RPA1: variants seen among roughly 807,000 people sequenced by gnomAD.
RPA1 encodes replication protein A1.
Under a neutral mutation model 83.0 loss-of-function variants are expected in RPA1, and 49 were observed. The observed-to-expected ratio is 0.59, with a 90% confidence interval of 0.47 to 0.75. RPA1 has a LOEUF of 0.75. Ranked by LOEUF, RPA1 falls within the 30% of genes least tolerant of loss-of-function variation. The pLI is 0.00. For synonymous variants in RPA1, 279 were observed against 281.8 expected (o/e 0.99, Z 0.10); for missense variants, 693 against 776.1 (o/e 0.89, Z 1.27).
Position 1,879,716 on chromosome 17 carries a change from G to A in RPA1, c.1092+17G>A. ...GGGGAAGATGTAAGTGCTGGGATGG[G>A]GTCTTCAACACGCACAGGACCTCCT... On this transcript the variant is annotated intron_variant, in intron 11 of 16. Coordinates refer to ENST00000254719, the MANE Select transcript of RPA1 (RefSeq NM_002945.5). The A allele has an allele frequency of 5.6e-6, 9 of 1,614,022 alleles. No homozygotes were observed. Among genetic ancestry groups the A allele is most frequent in the Non-Finnish European group, 7.6e-6 (9 of 1,179,966 alleles).
At chr17:1,853,676 C>CT (rs1359522613) in intron 5 of RPA1, among the ~76,000 whole-genome samples, 1 of 152,004 alleles carries the variant, frequency 6.6e-6, no homozygotes, top group East Asian at 1.9e-4. Flanking sequence ...GAGTGAGACT[C>CT]TGTCTCAAAA....
intron 6 of RPA1, among the ~76,000 whole-genome samples, chr17:1,874,306 A>G (rs1020339082): frequency 5.9e-5 from 9 of 152,186 alleles, no homozygotes; most frequent in African/African-American, 2.2e-4. Flanking sequence ...GCAGTTTGAC[A>G]CCAGCCAAAC....
rs958986461 is a variant in RPA1, at chr17:1,897,223, A to G, written c.*48A>G. ...GAAGTTTGCAAATAGGCAGAATGGAATCGATTTCCTCCCACCTCCGTGTGA... is the reference window on the plus strand; with the variant it reads ...GAAGTTTGCAAATAGGCAGAATGGAGTCGATTTCCTCCCACCTCCGTGTGA... On this transcript the variant is annotated 3_prime_UTR_variant, in exon 17 of 17. Transcript: ENST00000254719. 1.5e-6 allele frequency: 2 copies of G among 1,377,566 alleles called. No homozygotes were observed. Among genetic ancestry groups the G allele is most frequent in the Non-Finnish European group, 2.0e-6 (2 of 1,000,422 alleles). 85.3% of individuals were successfully genotyped at this position (1,377,566 alleles called of 1,614,324 possible). A position where few individuals can be genotyped will look rare whatever the true frequency, so the allele number is the denominator to read the frequency against.
At chr17:1,830,211 G>C in intron 1 of RPA1, 85 bp downstream of exon 1, 1 of 1,082,186 alleles carries the variant, frequency 9.2e-7, no homozygotes, top group Non-Finnish European at 1.2e-6. Flanking sequence ...AGGGGAGCCC[G>C]GGGCGACGGG....
chr17:1,872,815 G>A lies in RPA1; in HGVS notation c.454+289G>A, dbSNP rs375455163. ...GCAGCCTTAACCTCCCAAGTAGCTG[G>A]TACTATGGGCGCATGCCACCATGCC... On this transcript the variant is annotated intron_variant, in intron 6 of 16. Coordinates refer to ENST00000254719, the MANE Select transcript of RPA1 (RefSeq NM_002945.5). Among the ~76,000 whole-genome samples, 20 of 150,462 alleles carry A rather than the reference G, an allele frequency of 1.3e-4. No individual in the cohort carries two copies. The East Asian group carries it at 2.4e-3, about 18-fold the overall frequency.
At chr17:1,894,866 A>C (rs889784845) in intron 15 of RPA1, 143 bp from the exon 16 acceptor site, 1 of 602,776 alleles carries the variant, frequency 1.7e-6, no homozygotes, top group Admixed American at 2.8e-5. Context: ...AGTTTCATGT[A>C]ATGTTACCTG....
chr17:1,870,655 C>G (rs1913344199), intron 5 of RPA1, among the ~76,000 whole-genome samples: 1 of 152,222 alleles, frequency 6.6e-6, no homozygotes, highest in African/African-American at 2.4e-5. Context: ...CTGGTGACCC[C>G]TCTTCTACTT....
At chr17:1,876,138 C>A (rs1009917297) in intron 7 of RPA1, among the ~76,000 whole-genome samples, 3 of 152,186 alleles carry the variant, frequency 2.0e-5, no homozygotes, top group African/African-American at 7.2e-5. Context: ...GGCATTTAAT[C>A]TTCTCCTATA....
chr17:1,863,399 G>C (rs556858452), intron 5 of RPA1, among the ~76,000 whole-genome samples: 54 of 151,848 alleles, frequency 3.6e-4, no homozygotes, highest in Non-Finnish European at 7.4e-4. Flanking sequence ...TTTTAGTAGA[G>C]ACGGCGTTTC....
intron 8 of RPA1, 98 bp downstream of exon 8, chr17:1,877,412 G>A (rs776881865): frequency 1.5e-5 from 16 of 1,058,564 alleles, no homozygotes; most frequent in African/African-American, 1.4e-4. Flanking sequence ...GGAAACAGAA[G>A]GCTCAGCTCT....
chr17:1,891,482 C>T (rs568695377), intron 14 of RPA1, among the ~76,000 whole-genome samples: 15 of 152,376 alleles, frequency 9.8e-5, no homozygotes, highest in Middle Eastern at 3.4e-3. Context: ...TGCAGTGGCT[C>T]GATCTCAGCT....
At chr17:1,840,295 A>G (rs1911995706) in intron 1 of RPA1, among the ~76,000 whole-genome samples, 1 of 151,494 alleles carries the variant, frequency 6.6e-6, no homozygotes, top group African/African-American at 2.4e-5. Context: ...ATACCTGGCT[A>G]ATTTTTTTTG....
chr17:1,855,362 TG>T (rs767579227), intron 5 of RPA1, among the ~76,000 whole-genome samples: 30,622 of 108,282 alleles, frequency 0.28, 3,220 homozygotes, highest in Admixed American at 0.35. Context: ...TGTGTGTGTG[TG>T]TGTTTAGTAG....
chr17:1,886,629 C>G (rs1017478320), intron 13 of RPA1, among the ~76,000 whole-genome samples: 6 of 151,708 alleles, frequency 4.0e-5, no homozygotes, highest in African/African-American at 1.5e-4. Flanking sequence ...TCACCTTGCA[C>G]TTTTGTTATG....
At chr17:1,857,598 G>A (rs1322464923) in intron 5 of RPA1, among the ~76,000 whole-genome samples, 3 of 151,462 alleles carry the variant, frequency 2.0e-5, no homozygotes, top group Non-Finnish European at 2.9e-5. Context: ...GAAGAGAATT[G>A]TCCTTTAAGC....
Position 1,860,116 on chromosome 17 carries a change from T to A in RPA1, c.361+6927T>A, listed in dbSNP as rs147983541. 5.3e-5 allele frequency among the ~76,000 whole-genome samples: 8 copies of A among 152,230 alleles called. 1 individual carries two copies. In the East Asian group the frequency reaches 1.2e-3, roughly 22 times the overall value. ...GTGAGCCACCATAATTGGCCTAATT[T>A]TATTTTTTGTGGACATGGAGTCCTG... On this transcript the variant is annotated intron_variant, in intron 5 of 16. Coordinates refer to ENST00000254719, the MANE Select transcript of RPA1 (RefSeq NM_002945.5).
chr17:1,845,071 G>A (rs555705487), intron 4 of RPA1, among the ~76,000 whole-genome samples: 3 of 152,148 alleles, frequency 2.0e-5, no homozygotes, highest in South Asian at 4.2e-4. Flanking sequence ...TTACAGGTGC[G>A]AGCCATCATG....
intron 16 of RPA1, among the ~76,000 whole-genome samples, chr17:1,895,663 T>TATG (rs1567831578): frequency 2.3e-4 from 4 of 17,604 alleles, no homozygotes; most frequent in African/African-American, 7.5e-4. Context: ...CATATAGTAT[T>TATG]TATTTATTTA....
intron 1 of RPA1, among the ~76,000 whole-genome samples, chr17:1,839,516 G>A (rs1315070141): frequency 6.6e-6 from 1 of 151,538 alleles, no homozygotes; most frequent in Non-Finnish European, 1.5e-5. Flanking sequence ...AGTAGAGACG[G>A]GGTTTCACTA....
Sources: allele counts gnomAD v4.1 joint callset (sites outside exome capture counted in the v4.1 genomes callset), GRCh38; gene constraint gnomAD v4.1.1; transcripts MANE v1.5; gene names NCBI Gene and HGNC (gene_info 2026-07-23, HGNC 2026-07-21).